Variants in RAB27A observed in about 807,000 individuals in gnomAD.
The protein encoded by RAB27A is ras-related protein Rab-27A.
A neutral mutation model predicts 20.8 loss-of-function variants in RAB27A; 17 were observed. The observed-to-expected ratio is 0.82, with a 90% CI of 0.56 to 1.23. The LOEUF is 1.23. RAB27A is among the 50% of genes most tolerant of loss of function. The pLI, the probability that RAB27A is intolerant of heterozygous loss-of-function variation, is 0.00. For missense variants in RAB27A, 277 were observed against 266.7 expected, an observed-to-expected ratio of 1.04 and a Z score of -0.27; for synonymous variants, 85 against 92.8, an observed-to-expected ratio of 0.92 and a Z score of 0.48.
In RAB27A at chr15:55,204,335, A is replaced by T. The variant is rs148704535; in HGVS notation, c.*1172T>A. 1 of 152,238 alleles carries T rather than the reference A, an allele frequency of 6.6e-6. No individual in the cohort carries two copies. Among genetic ancestry groups the T allele is most frequent in the Non-Finnish European group, 1.5e-5 (1 of 68,040 alleles). The allele number at this position is 152,238 out of a possible 1,614,324, so 9.4% of individuals were successfully genotyped here. A position where few individuals can be genotyped will look rare whatever the true frequency, so the allele number is the denominator to read the frequency against. The stretch of plus-strand genomic sequence containing the variant: ...ATGATCTTGGCAAGACCCAGCAAGT[A>T]CAGTAAATGCTCATGAGCTCTATGA... On this transcript the variant is annotated 3_prime_UTR_variant, in exon 7 of 7. Transcript: ENST00000336787.
intron 1 of RAB27A, among the ~76,000 whole-genome samples, chr15:55,316,308 AAACT>A (rs1438730258): frequency 5.2e-4 from 79 of 152,058 alleles, no homozygotes; most frequent in Middle Eastern, 3.4e-3. Context: ...CATTCTCAGC[AAACT>A]AACTAACACA....
intron 2 of RAB27A, among the ~76,000 whole-genome samples, chr15:55,248,035 G>A (rs1049708161): frequency 2.0e-5 from 3 of 150,538 alleles, no homozygotes; most frequent in Non-Finnish European, 4.4e-5. Flanking sequence ...AGGGGTTCAC[G>A]CCATTCTCCT....
At chr15:55,246,740 C>G (rs900681203) in intron 2 of RAB27A, among the ~76,000 whole-genome samples, 1 of 151,926 alleles carries the variant, frequency 6.6e-6, no homozygotes, top group Non-Finnish European at 1.5e-5. Flanking sequence ...AGAATGGACA[C>G]AGCCACTCGA....
chr15:55,266,059 T>C (rs911142011), intron 2 of RAB27A, among the ~76,000 whole-genome samples: 3 of 152,174 alleles, frequency 2.0e-5, no homozygotes, highest in African/African-American at 7.2e-5. Flanking sequence ...GACTGAATGT[T>C]TGTGTCTCCC....
intron 2 of RAB27A, among the ~76,000 whole-genome samples, chr15:55,249,339 A>G (rs965140602): frequency 2.0e-5 from 3 of 152,196 alleles, no homozygotes; most frequent in Admixed American, 2.0e-4. Flanking sequence ...CACTGGCGCA[A>G]TTATGTCTCA....
At position 55,312,056 on chromosome 15, in the gene RAB27A, C is replaced by T. The variant is rs543022023; in HGVS notation, c.-112+1983G>A. 4.6e-5 allele frequency among the ~76,000 whole-genome samples: 7 copies of T among 152,268 alleles called. No individual in the cohort carries two copies. In the East Asian group the frequency reaches 9.7e-4, roughly 21 times the overall value. On this transcript the variant is annotated intron_variant, in intron 2 of 5. Coordinates refer to the RAB27A transcript ENST00000563262. ...GAAGCCGTGGGTCACGGAAGAGAAC[C>T]GTGGAACCCAGTGACTAGTGTTCAG...
chr15:55,216,349 AT>A (rs1443331761), intron 6 of RAB27A, among the ~76,000 whole-genome samples: 1 of 152,116 alleles, frequency 6.6e-6, no homozygotes. Context: ...CCTGGCCAAC[AT>A]GGTGAAACCC....
At chr15:55,274,774 T>G (rs1272834037) in intron 1 of RAB27A, among the ~76,000 whole-genome samples, 1 of 87,184 alleles carries the variant, frequency 1.1e-5, no homozygotes, top group African/African-American at 4.1e-5. Context: ...CAAGAATCCG[T>G]CCTTAAAAAA....
At chr15:55,274,794 T>TTTTATATATATATATATATATATATA (rs1491185564) in intron 1 of RAB27A, among the ~76,000 whole-genome samples, 3 of 52,154 alleles carry the variant, frequency 5.8e-5, no homozygotes, top group Non-Finnish European at 1.3e-4. Flanking sequence ...AATAAATAAA[T>TTTTATATATATATATATATATATATA]TATATATATA....
intron 2 of RAB27A, among the ~76,000 whole-genome samples, chr15:55,239,504 G>T (rs1896396197): frequency 6.6e-6 from 1 of 152,126 alleles, no homozygotes; most frequent in Admixed American, 6.6e-5. Context: ...CGAACAGCAT[G>T]TATGTGTTCG....
At position 55,257,365 on chromosome 15, in the gene RAB27A, G is replaced by A. The variant is rs118012879; in HGVS notation, c.-23+12800C>T. 9.8e-5 allele frequency among the ~76,000 whole-genome samples: 15 copies of A among 152,286 alleles called. No homozygotes were observed. The East Asian group carries it at 2.9e-3, about 29-fold the overall frequency. ...GCCAACAGTGAAAGCTCCAAAAAGAGGGCCATGACTGTACAAGCCACAGAA... is the reference window on the plus strand; with the variant it reads ...GCCAACAGTGAAAGCTCCAAAAAGAAGGCCATGACTGTACAAGCCACAGAA... On this transcript the variant is annotated intron_variant, in intron 2 of 6. Coordinates refer to ENST00000336787, the MANE Select transcript of RAB27A (RefSeq NM_183235.3).
At position 55,223,343 on chromosome 15, in the gene RAB27A, T is replaced by C. The variant is rs540108771; in HGVS notation, c.467+546A>G. 3.3e-5 allele frequency among the ~76,000 whole-genome samples: 5 copies of C among 151,962 alleles called. No homozygotes were observed. The East Asian group carries it at 9.7e-4, about 29-fold the overall frequency. On this transcript the variant is annotated intron_variant, in intron 6 of 6. Transcript: ENST00000336787. ...AATATGGTACCAGAAACCCCATCTCTACTAAAAATACAAAAATTAGCCGGG... is the reference window on the plus strand; with the variant it reads ...AATATGGTACCAGAAACCCCATCTCCACTAAAAATACAAAAATTAGCCGGG...
At chr15:55,303,243 T>C (rs200540880) in intron 2 of RAB27A, among the ~76,000 whole-genome samples, 2,617 of 27,504 alleles carry the variant, frequency 0.095, 84 homozygotes, top group African/African-American at 0.32. Flanking sequence ...CCAGCCGCCC[T>C]GTCCGGGAGG....
At chr15:55,265,649 A>G (rs571705734) in intron 2 of RAB27A, among the ~76,000 whole-genome samples, 1 of 152,202 alleles carries the variant, frequency 6.6e-6, no homozygotes, top group South Asian at 2.1e-4. Flanking sequence ...AAAAAAAAAA[A>G]AAGACCAGGT....
chr15:55,242,625 CA>C (rs2141012203), intron 2 of RAB27A, among the ~76,000 whole-genome samples: 1 of 152,232 alleles, frequency 6.6e-6, no homozygotes, highest in Non-Finnish European at 1.5e-5. Context: ...TTAATGTAAC[CA>C]GTACCTGAAC....
intron 1 of RAB27A, among the ~76,000 whole-genome samples, chr15:55,284,540 T>C (rs973523989): frequency 6.6e-6 from 1 of 152,204 alleles, no homozygotes. Flanking sequence ...CACATGGGGC[T>C]TTCAACAGTT....
At chr15:55,312,756 G>T (rs1330883037) in intron 2 of RAB27A, among the ~76,000 whole-genome samples, 3 of 152,186 alleles carry the variant, frequency 2.0e-5, no homozygotes, top group Non-Finnish European at 4.4e-5. Flanking sequence ...GATGTGTTAG[G>T]ATTATTCCTC....
At chr15:55,295,885 TA>T (rs2054946392) in intron 2 of RAB27A, among the ~76,000 whole-genome samples, 1 of 151,178 alleles carries the variant, frequency 6.6e-6, no homozygotes, top group Non-Finnish European at 1.5e-5. Context: ...TTTTTTTTTT[TA>T]AAAGAACCAA....
chr15:55,312,166 G>A (rs925669465), intron 2 of RAB27A, among the ~76,000 whole-genome samples: 3 of 152,226 alleles, frequency 2.0e-5, no homozygotes, highest in Admixed American at 1.3e-4. Context: ...TGGGCGCCTC[G>A]CTGGATCAGG....
Sources: gnomAD v4.1 joint callset for allele counts (sites outside exome capture counted in the v4.1 genomes callset) on GRCh38, gnomAD v4.1.1 for gene constraint, MANE v1.5 for transcripts, NCBI Gene and HGNC (gene_info 2026-07-23, HGNC 2026-07-21) for gene names.